AGBL4: variants seen among roughly 807,000 people sequenced by gnomAD.
The protein encoded by AGBL4 is cytosolic carboxypeptidase 6.
In AGBL4, 58 loss-of-function variants were observed where a neutral mutation model predicts 66.4. That is an observed-to-expected ratio of 0.87 (90% CI 0.71 to 1.09). The LOEUF (loss-of-function observed/expected upper bound fraction) is 1.09. AGBL4 is among the 50% of genes least tolerant of loss of function. The pLI is 0.00. For synonymous variants in AGBL4, 234 were observed against 222.9 expected (o/e 1.05, Z -0.44); for missense variants, 579 against 631.0 (o/e 0.92, Z 0.88).
At chr1:49,216,480 C>A (rs1649100447) in intron 4 of AGBL4, among the ~76,000 whole-genome samples, 1 of 152,106 alleles carries the variant, frequency 6.6e-6, no homozygotes. Context: ...CAATGTTTAG[C>A]TCCCACTTAT....
intron 4 of AGBL4, among the ~76,000 whole-genome samples, chr1:49,205,516 G>A (rs189844699): frequency 9.9e-5 from 15 of 152,158 alleles, no homozygotes; most frequent in African/African-American, 3.4e-4. Context: ...TGGACCCTGG[G>A]TTGGTCTCAC....
chr1:49,469,924 G>A lies in AGBL4; in HGVS notation c.283-224060C>T, dbSNP rs1570794928. On this transcript the variant is annotated intron_variant, in intron 3 of 13. Transcript: ENST00000371839. ...AAGAGAGGAATACGAGACAGGACTG[G>A]ATATAGAATCCTAACCCTGACACTT... 3 of 151,838 alleles carry A rather than the reference G, an allele frequency of 2.0e-5. No individual in the cohort carries two copies. The East Asian group carries it at 5.8e-4, about 29-fold the overall frequency. 9.4% of individuals were successfully genotyped at this position (151,838 alleles called of 1,614,324 possible).
intron 4 of AGBL4, among the ~76,000 whole-genome samples, chr1:49,118,953 C>T (rs566303248): frequency 1.3e-5 from 2 of 152,248 alleles, no homozygotes; most frequent in South Asian, 4.2e-4. Flanking sequence ...GGAATTTATC[C>T]ATTTCTTCTA....
intron 2 of AGBL4, among the ~76,000 whole-genome samples, chr1:49,742,837 C>T (rs1013786674): frequency 6.6e-6 from 1 of 152,128 alleles, no homozygotes; most frequent in Non-Finnish European, 1.5e-5. Flanking sequence ...GCTGGGAAAA[C>T]TGGCTAGCCA....
chr1:49,715,469 G>C (rs1057231550), intron 2 of AGBL4, among the ~76,000 whole-genome samples: 3 of 152,018 alleles, frequency 2.0e-5, no homozygotes, highest in Admixed American at 1.3e-4. Flanking sequence ...ATAATCCTTT[G>C]GGTATGTACC....
intron 5 of AGBL4, among the ~76,000 whole-genome samples, chr1:49,011,207 A>G (rs1307466219): frequency 6.6e-6 from 1 of 152,078 alleles, no homozygotes; most frequent in Non-Finnish European, 1.5e-5. Context: ...AACCCCATCA[A>G]AAAGTGGGCA....
intron 3 of AGBL4, among the ~76,000 whole-genome samples, chr1:49,295,496 G>C (rs1456221278): frequency 6.6e-6 from 1 of 152,154 alleles, no homozygotes; most frequent in East Asian, 1.9e-4. Flanking sequence ...GAAAAACTGT[G>C]AATATAGGTA....
At chr1:49,845,163 A>G (rs1646105218) in intron 2 of AGBL4, 1 of 1,400,972 alleles carries the variant, frequency 7.1e-7, no homozygotes, top group Non-Finnish European at 1.0e-6. Flanking sequence ...GACCTTATGA[A>G]TGTCACAAAT....
intron 1 of AGBL4, among the ~76,000 whole-genome samples, chr1:49,951,725 G>C (rs1416453352): frequency 6.6e-6 from 1 of 151,804 alleles, no homozygotes; most frequent in Non-Finnish European, 1.5e-5. Context: ...TTGTTATTTA[G>C]GTTTGGCAAT....
intron 2 of AGBL4, among the ~76,000 whole-genome samples, chr1:49,805,870 C>T (rs551857664): frequency 1.3e-5 from 2 of 152,294 alleles, no homozygotes; most frequent in Admixed American, 1.3e-4. Flanking sequence ...TTGCCAAATC[C>T]TTGATCTGGG....
At chr1:49,459,399 T>C (rs956658808) in intron 3 of AGBL4, among the ~76,000 whole-genome samples, 1 of 151,798 alleles carries the variant, frequency 6.6e-6, no homozygotes, top group African/African-American at 2.4e-5. Context: ...CATAAAAGTG[T>C]GCATAGTAGC....
intron 3 of AGBL4, among the ~76,000 whole-genome samples, chr1:49,550,240 T>C (rs963253165): frequency 3.3e-5 from 5 of 152,234 alleles, no homozygotes; most frequent in Non-Finnish European, 4.4e-5. Context: ...TCAGAAGTTC[T>C]GTATCTTTTA....
chr1:49,653,639 G>A (rs372249099), intron 3 of AGBL4, among the ~76,000 whole-genome samples: 8 of 151,340 alleles, frequency 5.3e-5, no homozygotes, highest in East Asian at 2.0e-4. Context: ...CTGACCTGAC[G>A]GAGCTGAAAA....
chr1:49,118,296 G>A (rs143094772), intron 4 of AGBL4, among the ~76,000 whole-genome samples: 2,198 of 152,220 alleles, frequency 0.014, 22 homozygotes, highest in Non-Finnish European at 0.023. Context: ...TCTTGTGCTG[G>A]TTTTCAAAGG....
At chr1:48,536,712 C>T (rs1194227120) in intron 12 of AGBL4, among the ~76,000 whole-genome samples, 3 of 152,334 alleles carry the variant, frequency 2.0e-5, no homozygotes, top group South Asian at 2.1e-4. Flanking sequence ...AGCCTGAGTC[C>T]ACCTCTTGCT....
intron 3 of AGBL4, among the ~76,000 whole-genome samples, chr1:49,641,587 A>G (rs982340774): frequency 1.7e-4 from 26 of 152,086 alleles, no homozygotes; most frequent in African/African-American, 6.0e-4. Flanking sequence ...AACAGTGGTT[A>G]TATGGTCAGA....
intron 3 of AGBL4, among the ~76,000 whole-genome samples, chr1:49,246,908 C>T (rs1281057474): frequency 6.6e-6 from 1 of 151,950 alleles, no homozygotes; most frequent in African/African-American, 2.4e-5. Context: ...CAAGTATTTA[C>T]TGCGTGAGGT....
chr1:48,715,691 G>A (rs1401588307), intron 6 of AGBL4, among the ~76,000 whole-genome samples: 1 of 30,288 alleles, frequency 3.3e-5, no homozygotes, highest in African/African-American at 7.3e-5. Flanking sequence ...AACACAGTGG[G>A]GAGGGAAAAA....
intron 3 of AGBL4, among the ~76,000 whole-genome samples, chr1:49,430,139 C>A (rs1645754128): frequency 6.6e-6 from 1 of 152,160 alleles, no homozygotes; most frequent in Non-Finnish European, 1.5e-5. Flanking sequence ...AGGCGTGAGA[C>A]ACCATGCCCG....
Sources: gnomAD v4.1 joint callset for allele counts (sites outside exome capture counted in the v4.1 genomes callset) on GRCh38, gnomAD v4.1.1 for gene constraint, MANE v1.5 for transcripts, NCBI Gene and HGNC (gene_info 2026-07-23, HGNC 2026-07-21) for gene names.